AGMO: variants seen among roughly 807,000 people sequenced by gnomAD.
AGMO encodes alkylglycerol monooxygenase.
Under a neutral mutation model 60.2 loss-of-function variants are expected in AGMO, and 75 were observed. The observed-to-expected ratio is 1.25, with a 90% CI of 1.03 to 1.51. AGMO has a LOEUF of 1.51. Ranked by LOEUF, AGMO falls within the 40% of genes most tolerant of loss-of-function variation. AGMO has a pLI of 0.00. For missense variants in AGMO, 763 were observed against 525.5 expected (o/e 1.45, Z -4.42); for synonymous variants, 261 against 177.1 (o/e 1.47, Z -3.76).
At chr7:15,351,116 G>A (rs1196866272) in intron 12 of AGMO, among the ~76,000 whole-genome samples, 2 of 152,120 alleles carry the variant, frequency 1.3e-5, no homozygotes, top group African/African-American at 4.8e-5. Flanking sequence ...TAGTTGATAA[G>A]AAGGTTGAAT....
At chr7:15,144,271 C>T in the AGMO span, among the ~76,000 whole-genome samples, 4 of 151,648 alleles carry the variant, frequency 2.6e-5, no homozygotes, top group African/African-American at 9.7e-5. Context: ...ATAAGGTAAT[C>T]CAAAAAAAAT....
At chr7:15,375,555 C>G (rs1042616282) in intron 10 of AGMO, among the ~76,000 whole-genome samples, 1 of 151,930 alleles carries the variant, frequency 6.6e-6, no homozygotes, top group Non-Finnish European at 1.5e-5. Flanking sequence ...TGCCACCGCA[C>G]CCAGCTAATT....
chr7:15,540,048 G>C (rs938314859), intron 3 of AGMO, among the ~76,000 whole-genome samples: 20 of 152,148 alleles, frequency 1.3e-4, no homozygotes, highest in Non-Finnish European at 5.9e-5. Flanking sequence ...AGGTAAAGAG[G>C]AAGTGAACTA....
At chr7:15,167,162 C>T in the AGMO span, among the ~76,000 whole-genome samples, 1 of 152,056 alleles carries the variant, frequency 6.6e-6, no homozygotes, top group South Asian at 2.1e-4. Context: ...AAAACAATGT[C>T]CATGAATATT....
intron 2 of AGMO, among the ~76,000 whole-genome samples, chr7:15,546,161 T>C (rs982918957): frequency 6.6e-6 from 1 of 152,184 alleles, no homozygotes; most frequent in Non-Finnish European, 1.5e-5. Flanking sequence ...TTAATATCTT[T>C]AAAATAACCT....
At chr7:15,397,271 C>A (rs891677909) in intron 5 of AGMO, among the ~76,000 whole-genome samples, 11 of 152,078 alleles carry the variant, frequency 7.2e-5, no homozygotes, top group African/African-American at 2.6e-4. Context: ...CTGATCAAGC[C>A]CAGCAGGCGC....
At chr7:15,432,391 G>A (rs1216125461) in intron 3 of AGMO, among the ~76,000 whole-genome samples, 1 of 61,940 alleles carries the variant, frequency 1.6e-5, no homozygotes, top group Non-Finnish European at 3.7e-5. Flanking sequence ...CACTATCTGG[G>A]TAAATTTTGG....
chr7:15,289,336 T>C (rs1784190896), intron 12 of AGMO, among the ~76,000 whole-genome samples: 1 of 152,026 alleles, frequency 6.6e-6, no homozygotes, highest in African/African-American at 2.4e-5. Context: ...TTTATGAATG[T>C]ATGTATAGCT....
Position 15,484,259 on chromosome 7 carries a change from A to AT in AGMO, c.410-53152dup, listed in dbSNP as rs550573338. 1.4e-3 allele frequency among the ~76,000 whole-genome samples: 220 copies of AT among 152,320 alleles called. 1 individual carries two copies. The highest frequency in any genetic ancestry group is 6.8e-3 in the Middle Eastern group (2 of 294). On this transcript the variant is annotated intron_variant, in intron 3 of 12. Transcript: ENST00000342526. ...AGAAATTATTATAATTATTATTATC[A>AT]TTATAGATCATCAGCTATACTCATT... is the stretch of plus-strand genomic sequence containing the variant.
chr7:15,283,350 A>G (rs879859971), intron 12 of AGMO, among the ~76,000 whole-genome samples: 2 of 152,098 alleles, frequency 1.3e-5, no homozygotes, highest in Non-Finnish European at 2.9e-5. Context: ...CATCTAACAT[A>G]TAAAGATTCA....
At chr7:15,367,887 T>A (rs375982403) in intron 10 of AGMO, among the ~76,000 whole-genome samples, 5 of 152,230 alleles carry the variant, frequency 3.3e-5, no homozygotes, top group East Asian at 1.9e-4. Context: ...TATTAGCTAA[T>A]ATCCTTACTT....
intron 6 of AGMO, among the ~76,000 whole-genome samples, chr7:15,392,799 AAAACAAAC>A (rs67814097): frequency 2.7e-3 from 93 of 33,878 alleles, no homozygotes; most frequent in South Asian, 6.0e-3. Flanking sequence ...ACTCTGTCTC[AAAACAAAC>A]AAACAAACAA....
chr7:15,406,433 GCGTGCATATGTACACATATATA>G (rs1784695074), intron 5 of AGMO, among the ~76,000 whole-genome samples: 4 of 120,770 alleles, frequency 3.3e-5, no homozygotes, highest in Non-Finnish European at 6.9e-5. Flanking sequence ...ATACATATAT[GCGTGCATATGTACACATATATA>G]CCCACGTATA....
intron 12 of AGMO, among the ~76,000 whole-genome samples, chr7:15,332,790 T>C (rs984472161): frequency 1.3e-5 from 2 of 152,148 alleles, no homozygotes; most frequent in Admixed American, 1.3e-4. Flanking sequence ...TATTTATTAA[T>C]AAAATGAAAA....
chr7:15,279,469 G>C lies in AGMO; in HGVS notation c.1264-78110C>G, dbSNP rs115473132. On this transcript the variant is annotated intron_variant, in intron 12 of 12. Transcript: ENST00000342526. ...TCTTGAACTGGAATGAACACTGGTTGTTTTTTTTTATTTTTTTTAATAAGC... is the reference window on the plus strand; with the variant it reads ...TCTTGAACTGGAATGAACACTGGTTCTTTTTTTTTATTTTTTTTAATAAGC... 9.9e-5 allele frequency among the ~76,000 whole-genome samples: 15 copies of C among 151,102 alleles called. No homozygotes were observed. In the South Asian group the frequency reaches 3.2e-3, roughly 32 times the overall value.
chr7:15,152,189 G>C, the AGMO span, among the ~76,000 whole-genome samples: 1 of 151,948 alleles, frequency 6.6e-6, no homozygotes, highest in African/African-American at 2.4e-5. Flanking sequence ...AGTCTGTTTT[G>C]TGTGAAATAA....
chr7:15,169,559 C>T, the AGMO span, among the ~76,000 whole-genome samples: 1 of 152,094 alleles, frequency 6.6e-6, no homozygotes, highest in African/African-American at 2.4e-5. Context: ...GCCTCAGCCT[C>T]CTACATAGCT....
chr7:15,384,407 G>A (rs1783827977), intron 10 of AGMO, among the ~76,000 whole-genome samples: 3 of 152,152 alleles, frequency 2.0e-5, no homozygotes, highest in Admixed American at 6.5e-5. Context: ...TTCATATATT[G>A]TCAACATTTT....
chr7:15,291,170 T>A (rs1023423839), intron 12 of AGMO, among the ~76,000 whole-genome samples: 2 of 152,212 alleles, frequency 1.3e-5, no homozygotes, highest in Non-Finnish European at 2.9e-5. Flanking sequence ...TTATGGCATG[T>A]AAACTTTTAA....
Sources: gnomAD v4.1 joint callset for allele counts (sites outside exome capture counted in the v4.1 genomes callset) on GRCh38, gnomAD v4.1.1 for gene constraint, MANE v1.5 for transcripts, NCBI Gene and HGNC (gene_info 2026-07-23, HGNC 2026-07-21) for gene names.